Variants in DGKB observed in about 807,000 individuals in gnomAD.
The protein encoded by DGKB is diacylglycerol kinase beta, also known as 90 kDa diacylglycerol kinase.
Under a neutral mutation model 114.3 loss-of-function variants are expected in DGKB, and 67 were observed. The observed-to-expected ratio is 0.59, with a 90% CI of 0.48 to 0.72. The LOEUF (loss-of-function observed/expected upper bound fraction) is 0.72. Ranked by LOEUF, DGKB falls within the 30% of genes least tolerant of loss-of-function variation. The pLI, the probability that DGKB is intolerant of heterozygous loss-of-function variation, is 0.00. For missense variants in DGKB, 907 were observed against 975.2 expected (o/e 0.93, Z 0.93); for synonymous variants, 398 against 323.1 (o/e 1.23, Z -2.49).
At chr7:14,665,362 G>A (rs769827316) in intron 13 of DGKB, among the ~76,000 whole-genome samples, 6 of 151,792 alleles carry the variant, frequency 4.0e-5, no homozygotes, top group African/African-American at 1.2e-4. Flanking sequence ...GGGCAACAAC[G>A]ACAGAGGGTG....
At chr7:14,537,314 A>C (rs544395619) in intron 20 of DGKB, among the ~76,000 whole-genome samples, 1 of 152,282 alleles carries the variant, frequency 6.6e-6, no homozygotes, top group South Asian at 2.1e-4. Flanking sequence ...AAATAGAAAA[A>C]TAATTCTAAA....
intron 23 of DGKB, among the ~76,000 whole-genome samples, chr7:14,313,894 T>A (rs547314088): frequency 6.6e-6 from 1 of 152,212 alleles, no homozygotes; most frequent in South Asian, 2.1e-4. Flanking sequence ...CTGACAGCTT[T>A]GAAGAGAGCA....
intron 23 of DGKB, chr7:14,192,128 G>A: frequency 3.0e-6 from 1 of 332,620 alleles, no homozygotes; most frequent in Non-Finnish European, 5.8e-6. Context: ...GAGTTGGTGA[G>A]GAAGAAATAA....
chr7:14,459,952 T>G (rs540749081), intron 21 of DGKB, among the ~76,000 whole-genome samples: 1 of 152,148 alleles, frequency 6.6e-6, no homozygotes, highest in African/African-American at 2.4e-5. Flanking sequence ...ATCAACATTC[T>G]TAAAGAAATG....
At chr7:14,781,720 G>A (rs1028883571) in intron 2 of DGKB, among the ~76,000 whole-genome samples, 8 of 152,090 alleles carry the variant, frequency 5.3e-5, no homozygotes, top group East Asian at 3.9e-4. Context: ...TTATTTTTAC[G>A]CACCATTCTT....
chr7:14,930,284 C>G (rs1479520237), intron 1 of DGKB, among the ~76,000 whole-genome samples: 4 of 152,080 alleles, frequency 2.6e-5, no homozygotes, highest in African/African-American at 9.7e-5. Context: ...ATAGGGATTG[C>G]ATTAAATCTG....
intron 21 of DGKB, among the ~76,000 whole-genome samples, chr7:14,373,666 C>G (rs1818032157): frequency 6.6e-6 from 1 of 152,074 alleles, no homozygotes; most frequent in Admixed American, 6.6e-5. Flanking sequence ...TTCTTTTCTC[C>G]TGCTCTATCT....
chr7:14,178,170 C>T lies in DGKB; in HGVS notation c.2123-19G>A, dbSNP rs781685179. On this transcript the variant is annotated intron_variant, in intron 23 of 25. Coordinates refer to ENST00000402815, the MANE Select transcript of DGKB (RefSeq NM_001350709.2). ...CTGAGATCTGAAAGAAAGTAGATGCCTTTTAAGTTGCAATGTGTATACATA... is the reference window on the plus strand; with the variant it reads ...CTGAGATCTGAAAGAAAGTAGATGCTTTTTAAGTTGCAATGTGTATACATA... 2.5e-5 allele frequency: 41 copies of T among 1,612,522 alleles called. No homozygotes were observed. The highest frequency in any genetic ancestry group is 3.2e-5 in the Non-Finnish European group (38 of 1,179,584).
intron 23 of DGKB, among the ~76,000 whole-genome samples, chr7:14,183,619 G>GAGAT (rs1198997405): frequency 6.6e-6 from 1 of 152,178 alleles, no homozygotes; most frequent in African/African-American, 2.4e-5. Flanking sequence ...ACAGTCCTTT[G>GAGAT]AGATAGGTAT....
At chr7:14,900,688 T>C (rs1448787758) in intron 1 of DGKB, among the ~76,000 whole-genome samples, 2 of 152,160 alleles carry the variant, frequency 1.3e-5, no homozygotes, top group Non-Finnish European at 2.9e-5. Context: ...AATTGTTTTA[T>C]TACACAAATG....
At chr7:14,526,853 A>C (rs1400525870) in intron 20 of DGKB, among the ~76,000 whole-genome samples, 1 of 152,116 alleles carries the variant, frequency 6.6e-6, no homozygotes, top group Non-Finnish European at 1.5e-5. Context: ...GAGTGTGTGA[A>C]CTTAGCAGTT....
intron 21 of DGKB, among the ~76,000 whole-genome samples, chr7:14,350,839 AT>A (rs1275714132): frequency 6.6e-6 from 1 of 152,122 alleles, no homozygotes; most frequent in African/African-American, 2.4e-5. Flanking sequence ...AAATCATAAT[AT>A]TTTAAGTAGC....
At chr7:14,375,924 A>G (rs1305814774) in intron 21 of DGKB, among the ~76,000 whole-genome samples, 8 of 152,244 alleles carry the variant, frequency 5.3e-5, no homozygotes, top group Non-Finnish European at 1.0e-4. Context: ...TGAAGGTCTT[A>G]GTATTTGAAC....
chr7:14,429,500 CTGAGCT>C (rs1306027597), intron 21 of DGKB, among the ~76,000 whole-genome samples: 2 of 152,184 alleles, frequency 1.3e-5, no homozygotes, highest in African/African-American at 4.8e-5. Flanking sequence ...ATACAGCACT[CTGAGCT>C]AAGACATTCA....
intron 1 of DGKB, among the ~76,000 whole-genome samples, chr7:14,859,695 G>A (rs1247257670): frequency 6.6e-6 from 1 of 152,022 alleles, no homozygotes; most frequent in Non-Finnish European, 1.5e-5. Flanking sequence ...TTATCTTGAT[G>A]CAACATTTAC....
intron 23 of DGKB, among the ~76,000 whole-genome samples, chr7:14,300,738 TC>T (rs1803401563): frequency 6.6e-6 from 1 of 152,122 alleles, no homozygotes; most frequent in Non-Finnish European, 1.5e-5. Context: ...AACAAGTGTA[TC>T]GTTCACAAAA....
chr7:14,779,469 G>A (rs1408636949), intron 2 of DGKB, among the ~76,000 whole-genome samples: 1 of 152,198 alleles, frequency 6.6e-6, no homozygotes, highest in African/African-American at 2.4e-5. Context: ...CCAGGAGTTT[G>A]AGGCTGCAGT....
chr7:14,698,679 T>C (rs749011046), intron 7 of DGKB, among the ~76,000 whole-genome samples: 5 of 152,154 alleles, frequency 3.3e-5, no homozygotes, highest in Admixed American at 6.5e-5. Context: ...GCAGGACAAG[T>C]ATATGCAGCA....
At chr7:14,614,077 T>C (rs17602988) in intron 15 of DGKB, among the ~76,000 whole-genome samples, 42,224 of 152,142 alleles carry the variant, frequency 0.28, 6,580 homozygotes, top group East Asian at 0.69. Context: ...CTATACGTCA[T>C]GTGCTACTGC....
Sources: gnomAD v4.1 joint callset for allele counts (sites outside exome capture counted in the v4.1 genomes callset) on GRCh38, gnomAD v4.1.1 for gene constraint, MANE v1.5 for transcripts, NCBI Gene and HGNC (gene_info 2026-07-23, HGNC 2026-07-21) for gene names.